The following MYO18B variants were observed in gnomAD, a reference collection of about 807,000 sequenced individuals.
MYO18B encodes unconventional myosin-XVIIIb.
MYO18B carries 204 observed loss-of-function variants against 273.0 expected under a neutral mutation model. The observed-to-expected ratio is 0.75, with a 90% CI of 0.67 to 0.84. MYO18B has a LOEUF of 0.84. Among genes scored for constraint, MYO18B ranks in the 40% least tolerant of loss-of-function variants. The probability of loss-of-function intolerance (pLI) is 0.00; values close to 1 mark genes in which losing one functional copy is unlikely to be tolerated. For missense variants in MYO18B, 3,212 were observed against 3,287.6 expected (o/e 0.98, Z 0.56); for synonymous variants, 1,330 against 1,305.7 (o/e 1.02, Z -0.40).
At chr22:26,047,234 C>T in the MYO18B span, among the ~76,000 whole-genome samples, 3 of 150,946 alleles carry the variant, frequency 2.0e-5, no homozygotes, top group Admixed American at 2.0e-4. Flanking sequence ...TCACGCCATT[C>T]TCCTGCCTTA....
intron 33 of MYO18B, among the ~76,000 whole-genome samples, chr22:25,912,394 A>G (rs1049529267): frequency 1.3e-5 from 2 of 152,230 alleles, no homozygotes; most frequent in Non-Finnish European, 1.5e-5. Context: ...GTTGCATTCT[A>G]TTCAGCATAG....
At position 25,992,329 on chromosome 22, in the gene MYO18B, A is replaced by G. The variant is rs369209791; in HGVS notation, c.6157-34A>G. On this transcript the variant is annotated intron_variant, in intron 39 of 43. Transcript: ENST00000335473. ...TGCATGGGTGGTGCATTTCTTGCCC[A>G]AGGCCAACGTGTGTTTGCATCTTCT... is the stretch of plus-strand genomic sequence containing the variant. The G allele has an allele frequency of 2.5e-6, 4 of 1,610,604 alleles. No individual in the cohort carries two copies. In the African/African-American group the frequency reaches 5.3e-5, roughly 22 times the overall value.
chr22:26,020,495 T>C (rs1053533823), intron 42 of MYO18B, among the ~76,000 whole-genome samples: 25 of 152,328 alleles, frequency 1.6e-4, no homozygotes, highest in Non-Finnish European at 2.2e-4. Flanking sequence ...ATCTGGGGAC[T>C]TCTCTAGCAC....
In MYO18B at chr22:25,948,508, TTC is replaced by T. The variant is rs1372246358; in HGVS notation, c.5748+684_5748+685del. 3.0e-4 allele frequency among the ~76,000 whole-genome samples: 7 copies of T among 23,190 alleles called. No individual in the cohort carries two copies. In the South Asian group the frequency reaches 6.9e-3, roughly 23 times the overall value. 15.2% of individuals were successfully genotyped at this position (23,190 alleles called of 152,430 possible). A position where few individuals can be genotyped will look rare whatever the true frequency, so the allele number is the denominator to read the frequency against. On this transcript the variant is annotated intron_variant, in intron 36 of 43. Transcript: ENST00000335473. ...TTTCTCTTTCTTTCTTTCCTCTCTTTTCTCTTTCCTTCTTTCTTTCTTCCTTC... is the reference window on the plus strand; with the variant it reads ...TTTCTCTTTCTTTCTTTCCTCTCTTTTCTTTCCTTCTTTCTTTCTTCCTTC...
chr22:25,864,662 T>C (rs1273310467), intron 21 of MYO18B, among the ~76,000 whole-genome samples: 6 of 152,160 alleles, frequency 3.9e-5, no homozygotes, highest in Non-Finnish European at 1.5e-5. Flanking sequence ...AGTCATTTAA[T>C]TGCACTGGGC....
chr22:25,981,831 C>A (rs982924816), intron 39 of MYO18B, among the ~76,000 whole-genome samples: 2 of 152,208 alleles, frequency 1.3e-5, no homozygotes, highest in East Asian at 3.9e-4. Context: ...GGAAAACCAT[C>A]CACTGTGTCA....
chr22:26,057,354 G>A, the MYO18B span, among the ~76,000 whole-genome samples: 2 of 151,790 alleles, frequency 1.3e-5, no homozygotes, highest in Admixed American at 1.3e-4. Context: ...TGATTTTATT[G>A]GGTGCTTACT....
chr22:25,832,973 T>C lies in MYO18B; in HGVS notation c.3036T>C (p.Ala1012=). Residue 1012 remains alanine, a synonymous_variant, in exon 16 of 44, where the codon GCT becomes GCC. Transcript: ENST00000335473. ...LPDPSPGTTV[A]VVDQNPSQVR... Reference sequence around the variant, plus strand: ...ACCCCTCCCCAGGGACCACCGTGGCTGTTGTGGATCAAAATCCCTCTCAGG... The same window carrying C: ...ACCCCTCCCCAGGGACCACCGTGGCCGTTGTGGATCAAAATCCCTCTCAGG... The C allele has an allele frequency of 6.2e-7, 1 of 1,613,884 alleles. No homozygotes were observed. Among genetic ancestry groups the C allele is most frequent in the Non-Finnish European group, 8.5e-7 (1 of 1,179,848 alleles).
At chr22:25,997,304 CCAAAAAAAAAAAAAAA>C (rs1197054662) in intron 40 of MYO18B, among the ~76,000 whole-genome samples, 2 of 22,554 alleles carry the variant, frequency 8.9e-5, no homozygotes, top group Non-Finnish European at 1.4e-4. Context: ...AACTCTGTCG[CCAAAAAAAAAAAAAAA>C]AAAAAAAAAA....
At position 25,763,236 on chromosome 22, in the gene MYO18B, G is replaced by A. The variant is rs375159136; in HGVS notation, c.45G>A (p.Arg15=). 7.5e-6 allele frequency: 12 copies of A among 1,607,790 alleles called. No individual in the cohort carries two copies. The African/African-American group carries it at 1.6e-4, about 22-fold the overall frequency. The change falls in exon 3 of 44, where the codon CGG becomes CGA. Residue 15 remains arginine, a synonymous_variant. Coordinates refer to ENST00000335473, the MANE Select transcript of MYO18B (RefSeq NM_032608.7). ...TCCTTGCTTCTGCAAAACAGATTCG[G>A]GAAGAGGACAAGAGCCCTCCACCAT... ...SRLALWEQKI[R]EEDKSPPPSS... is the part of the protein sequence containing the mutation.
At chr22:25,943,841 T>C (rs1043105324) in intron 34 of MYO18B, among the ~76,000 whole-genome samples, 1 of 147,612 alleles carries the variant, frequency 6.8e-6, no homozygotes, top group Non-Finnish European at 1.5e-5. Flanking sequence ...TGCCTCAGCC[T>C]CCCAAGTAGC....
intron 34 of MYO18B, among the ~76,000 whole-genome samples, chr22:25,935,360 G>A (rs932113311): frequency 2.6e-5 from 4 of 152,314 alleles, no homozygotes; most frequent in East Asian, 1.9e-4. Flanking sequence ...AAAAGTGGCC[G>A]AGTGGTCATG....
At chr22:25,955,531 A>G (rs1276312430) in intron 39 of MYO18B, among the ~76,000 whole-genome samples, 167 bp downstream of exon 39, 1 of 152,102 alleles carries the variant, frequency 6.6e-6, no homozygotes, top group East Asian at 1.9e-4. Flanking sequence ...CTGAGACAAC[A>G]CCGTCATTGG....
At chr22:25,884,169 C>T (rs1262382166) in intron 25 of MYO18B, among the ~76,000 whole-genome samples, 2 of 152,152 alleles carry the variant, frequency 1.3e-5, no homozygotes, top group African/African-American at 4.8e-5. Flanking sequence ...ACGGGGACTG[C>T]AGATGTATGT....
At chr22:25,925,930 G>A (rs1414873070) in intron 34 of MYO18B, among the ~76,000 whole-genome samples, 1 of 147,672 alleles carries the variant, frequency 6.8e-6, no homozygotes, top group Non-Finnish European at 1.5e-5. Flanking sequence ...AAAAGGCCAG[G>A]TGCGGTGACT....
intron 1 of MYO18B, among the ~76,000 whole-genome samples, chr22:25,755,864 C>T (rs1253696180): frequency 6.6e-6 from 1 of 152,112 alleles, no homozygotes; most frequent in African/African-American, 2.4e-5. Flanking sequence ...GCTTCTTGTA[C>T]AGCCTGCAGA....
chr22:25,881,726 C>T (rs922966682), intron 25 of MYO18B, among the ~76,000 whole-genome samples: 1 of 152,206 alleles, frequency 6.6e-6, no homozygotes, highest in Non-Finnish European at 1.5e-5. Flanking sequence ...ACCAAGCAAA[C>T]AAATGCCAAC....
intron 18 of MYO18B, among the ~76,000 whole-genome samples, chr22:25,845,416 C>T (rs1240517675): frequency 6.6e-6 from 1 of 152,170 alleles, no homozygotes; most frequent in East Asian, 1.9e-4. Flanking sequence ...ACTCGGGAGG[C>T]TGAAGCAGGA....
At chr22:25,759,139 G>A (rs948835009) in intron 1 of MYO18B, among the ~76,000 whole-genome samples, 1 of 152,128 alleles carries the variant, frequency 6.6e-6, no homozygotes, top group African/African-American at 2.4e-5. Flanking sequence ...AAACTTAGCT[G>A]AATGTTATGA....
Sources: allele counts gnomAD v4.1 joint callset (sites outside exome capture counted in the v4.1 genomes callset), GRCh38; gene constraint gnomAD v4.1.1; transcripts MANE v1.5; gene names NCBI Gene and HGNC (gene_info 2026-07-23, HGNC 2026-07-21).